QSER1: variants seen among roughly 807,000 people sequenced by gnomAD.
The protein encoded by QSER1 is glutamine and serine-rich protein 1.
QSER1 carries 49 observed loss-of-function variants against 158.5 expected under a neutral mutation model. The observed-to-expected ratio is 0.31, with a 90% CI of 0.25 to 0.39. The LOEUF (loss-of-function observed/expected upper bound fraction) is 0.39. Among genes scored for constraint, QSER1 ranks in the 10% least tolerant of loss-of-function variants. The pLI, the probability that QSER1 is intolerant of heterozygous loss-of-function variation, is 1.00. For synonymous variants in QSER1, 650 were observed against 715.5 expected (o/e 0.91, Z 1.46); for missense variants, 1,754 against 2,010.3 (o/e 0.87, Z 2.44).
At chr11:32,974,085 C>G (rs1852924124) in intron 11 of QSER1, among the ~76,000 whole-genome samples, 1 of 152,050 alleles carries the variant, frequency 6.6e-6, no homozygotes, top group African/African-American at 2.4e-5. Flanking sequence ...TTGTTATAAC[C>G]TTTTCAGAAA....
At chr11:32,966,224 G>A in intron 8 of QSER1, 76 bp from the exon 9 acceptor site, 1 of 1,467,422 alleles carries the variant, frequency 6.8e-7, no homozygotes, top group South Asian at 1.3e-5. Flanking sequence ...CTGCTTCTAG[G>A]GTCTCGTTAT....
In QSER1 at chr11:32,934,118, A is replaced by C; in HGVS notation, c.2860A>C (p.Asn954His). ...TGAAACAAATCAACATGATTCAAAG[A>C]ATCAGTTTGTTTCTCTTGGATCGAT... ...FSETNQHDSK[N>H]QFVSLGSMCF... Residue 954 changes from asparagine (N) to histidine (H), a missense_variant, in exon 4 of 13, where the codon AAT becomes CAT. Asn to His is a moderately conservative substitution (Grantham distance 68, BLOSUM62 1). This residue lies in a region of QSER1 where 1,707 missense variants were observed against 1,919.6 expected (regional missense o/e 0.89). Coordinates refer to ENST00000650167, the MANE Select transcript of QSER1 (RefSeq NM_001076786.3). The C allele has an allele frequency of 2.5e-6, 4 of 1,613,968 alleles. No homozygotes were observed. Among genetic ancestry groups the C allele is most frequent in the Non-Finnish European group, 3.4e-6 (4 of 1,179,956 alleles).
rs576095664 is a variant in QSER1 at position 32,952,815 on chromosome 11, T to G, written c.4178-1042T>G. Among the ~76,000 whole-genome samples the G allele has an allele frequency of 5.9e-5, 9 of 151,360 alleles. No individual in the cohort carries two copies. The South Asian group carries it at 1.9e-3, about 32-fold the overall frequency. On this transcript the variant is annotated intron_variant, in intron 4 of 12. Transcript: ENST00000650167. ...TTTCTTCCCAAGTCTTTTTTTTTTTTTTTTTCCTTGAGACAGAGTCTCTTT... is the reference window on the plus strand; with the variant it reads ...TTTCTTCCCAAGTCTTTTTTTTTTTGTTTTTCCTTGAGACAGAGTCTCTTT...
chr11:32,959,463 A>G (rs1397643593), intron 8 of QSER1, among the ~76,000 whole-genome samples: 2 of 152,226 alleles, frequency 1.3e-5, no homozygotes, highest in African/African-American at 2.4e-5. Flanking sequence ...AGGGGGAAAC[A>G]ATATGGTGAA....
At chr11:32,905,372 A>G (rs1213349095) in intron 1 of QSER1, among the ~76,000 whole-genome samples, 1 of 152,248 alleles carries the variant, frequency 6.6e-6, no homozygotes, top group Non-Finnish European at 1.5e-5. Context: ...AAACTGCAAG[A>G]TGAACATTAC....
intron 1 of QSER1, among the ~76,000 whole-genome samples, chr11:32,905,885 A>C (rs931119713): frequency 6.6e-6 from 1 of 152,164 alleles, no homozygotes; most frequent in Non-Finnish European, 1.5e-5. Flanking sequence ...AGATATGCTT[A>C]TTAGGGAAAA....
chr11:32,939,616 A>G (rs1451968360), intron 4 of QSER1, among the ~76,000 whole-genome samples: 1 of 152,156 alleles, frequency 6.6e-6, no homozygotes. Context: ...AGGCAGTCAG[A>G]ACATAAGTTC....
chr11:32,917,746 TCAGAGG>T (rs1851851357), intron 1 of QSER1, among the ~76,000 whole-genome samples: 1 of 139,536 alleles, frequency 7.2e-6, no homozygotes, highest in East Asian at 2.2e-4. Context: ...CGCTTGAACC[TCAGAGG>T]CAGAGGTTGC....
intron 8 of QSER1, among the ~76,000 whole-genome samples, chr11:32,965,943 A>AC (rs1852735150): frequency 3.0e-5 from 4 of 131,712 alleles, no homozygotes; most frequent in Non-Finnish European, 6.5e-5. Context: ...CTCTGTCTCA[A>AC]AACACACACA....
Position 32,932,090 on chromosome 11 carries a change from T to A in QSER1, c.832T>A (p.Phe278Ile), listed in dbSNP as rs1358079020. The change falls in exon 4 of 13, where the codon TTT becomes ATT. Residue 278 changes from phenylalanine to isoleucine, a missense_variant. Around this residue, in one of 2 missense-constraint regions of QSER1, gnomAD observed 1,707 missense variants for 1,919.6 expected, o/e 0.89. Coordinates refer to ENST00000650167, the MANE Select transcript of QSER1 (RefSeq NM_001076786.3). ...ESAPHLLQPQFSLLPSALGGS... is the reference protein window; with the variant it reads ...ESAPHLLQPQISLLPSALGGS... Reference sequence around the variant, plus strand: ...TGCACCCCATCTTTTACAACCTCAATTTAGTTTGTTGCCTTCAGCACTTGG... The same window carrying A: ...TGCACCCCATCTTTTACAACCTCAAATTAGTTTGTTGCCTTCAGCACTTGG... The A allele has an allele frequency of 1.2e-6, 2 of 1,614,136 alleles. No homozygotes were observed. Among genetic ancestry groups the A allele is most frequent in the South Asian group, 2.2e-5 (2 of 91,080 alleles).
At chr11:32,938,103 G>A (rs1395304971) in intron 4 of QSER1, among the ~76,000 whole-genome samples, 1 of 152,142 alleles carries the variant, frequency 6.6e-6, no homozygotes, top group East Asian at 1.9e-4. Flanking sequence ...GAGAATTTAG[G>A]CTTTAGAGTT....
chr11:32,941,994 AT>A (rs1224453573), intron 4 of QSER1, among the ~76,000 whole-genome samples: 1 of 151,340 alleles, frequency 6.6e-6, no homozygotes, highest in African/African-American at 2.4e-5. Flanking sequence ...GATGGTGAGC[AT>A]TTTTTCATGT....
chr11:32,928,171 A>C, intron 3 of QSER1, 48 bp downstream of exon 3: 1 of 1,132,778 alleles, frequency 8.8e-7, no homozygotes, highest in East Asian at 2.4e-5. Flanking sequence ...AATGCTGATG[A>C]AACATATACA....
At chr11:32,945,724 C>T (rs563259534) in intron 4 of QSER1, among the ~76,000 whole-genome samples, 10,296 of 149,012 alleles carry the variant, frequency 0.069, 565 homozygotes, top group South Asian at 0.21. Flanking sequence ...CTTGGAGTTG[C>T]TCTTCTCGAG....
chr11:32,945,945 C>T (rs976867820), intron 4 of QSER1, among the ~76,000 whole-genome samples: 3 of 150,978 alleles, frequency 2.0e-5, no homozygotes, highest in African/African-American at 7.3e-5. Flanking sequence ...TCTTTTTATT[C>T]TTTTTTCTCT....
At position 32,932,377 on chromosome 11, in the gene QSER1, G is replaced by A; in HGVS notation, c.1119G>A (p.Val373=). The stretch of plus-strand genomic sequence containing the variant: ...GCCCAATTGGAGATTCCACTCAGGT[G>A]AGCAACGGAGGATTACAACAGAAGA... ...SCSPIGDSTQ[V]SNGGLQQKTS... is the part of the protein sequence containing the mutation. The change falls in exon 4 of 13, where the codon GTG becomes GTA. Residue 373 remains valine (V), a synonymous_variant. Coordinates refer to ENST00000650167, the MANE Select transcript of QSER1 (RefSeq NM_001076786.3). The A allele has an allele frequency of 6.2e-7, 1 of 1,612,346 alleles. No homozygotes were observed. The highest frequency in any genetic ancestry group is 8.5e-7 in the Non-Finnish European group (1 of 1,180,012).
rs762759697 is a variant in QSER1, at chr11:32,935,228, C to CCTT, written c.3972_3974dup (p.Ser1326dup). 4 of 1,613,812 alleles carry CCTT rather than the reference C, an allele frequency of 2.5e-6. No homozygotes were observed. The highest frequency in any genetic ancestry group is 1.1e-5 in the South Asian group (1 of 91,052). ...ATTTTGTCCCCCACCACTTCCCAAG[C>CCTT]CTTCATCTACAACACCCACACCTTT... On this transcript the variant is annotated inframe_insertion, in exon 4 of 13. Coordinates refer to ENST00000650167, the MANE Select transcript of QSER1 (RefSeq NM_001076786.3).
At chr11:32,947,946 C>T (rs1408979007) in intron 4 of QSER1, among the ~76,000 whole-genome samples, 2 of 151,716 alleles carry the variant, frequency 1.3e-5, no homozygotes, top group African/African-American at 4.8e-5. Context: ...TCTATGTTTT[C>T]TTTTGGAACA....
intron 7 of QSER1, among the ~76,000 whole-genome samples, chr11:32,957,342 T>C (rs777200400): frequency 3.3e-5 from 5 of 151,782 alleles, no homozygotes; most frequent in Non-Finnish European, 7.4e-5. Context: ...GGTTTCACTA[T>C]GTTGGCCAGG....
Sources: allele counts gnomAD v4.1 joint callset (sites outside exome capture counted in the v4.1 genomes callset), GRCh38; gene constraint gnomAD v4.1.1; regional missense constraint gnomAD v4.1.1; transcripts MANE v1.5; gene names NCBI Gene and HGNC (gene_info 2026-07-23, HGNC 2026-07-21).